TBXAS1: variants seen among roughly 807,000 people sequenced by gnomAD.
The protein encoded by TBXAS1 is thromboxane-A synthase.
Under a neutral mutation model 60.7 loss-of-function variants are expected in TBXAS1, and 48 were observed. The observed-to-expected ratio is 0.79, with a 90% CI of 0.63 to 1.01. The LOEUF (loss-of-function observed/expected upper bound fraction) is 1.01. TBXAS1 is among the 50% of genes least tolerant of loss of function. The pLI, the probability that TBXAS1 is intolerant of heterozygous loss-of-function variation, is 0.00. For synonymous variants in TBXAS1, 287 were observed against 269.7 expected, an observed-to-expected ratio of 1.06 and a Z score of -0.63; for missense variants, 685 against 686.3, an observed-to-expected ratio of 1.00 and a Z score of 0.02.
intron 2 of TBXAS1, among the ~76,000 whole-genome samples, chr7:139,874,485 T>A (rs1258282120): frequency 6.6e-6 from 1 of 152,166 alleles, no homozygotes; most frequent in East Asian, 1.9e-4. Flanking sequence ...ACATAGTAAT[T>A]TCGCTGACTA....
At chr7:139,993,255 C>A (rs1813054289) in intron 9 of TBXAS1, among the ~76,000 whole-genome samples, 1 of 152,132 alleles carries the variant, frequency 6.6e-6, no homozygotes, top group African/African-American at 2.4e-5. Context: ...CCCTAATAAC[C>A]TTCCAGAGGC....
intron 1 of TBXAS1, among the ~76,000 whole-genome samples, chr7:139,860,431 C>T (rs964940084): frequency 6.6e-6 from 1 of 152,180 alleles, no homozygotes. Context: ...AATATTGGCC[C>T]CCTAAAATGT....
At chr7:139,839,711 C>G (rs1466535061) in intron 1 of TBXAS1, among the ~76,000 whole-genome samples, 1 of 149,042 alleles carries the variant, frequency 6.7e-6, no homozygotes, top group Non-Finnish European at 1.5e-5. Context: ...CAAAAATTAG[C>G]CAGGTGTGGT....
At chr7:139,897,592 G>T (rs1199810565) in intron 3 of TBXAS1, among the ~76,000 whole-genome samples, 3 of 152,136 alleles carry the variant, frequency 2.0e-5, no homozygotes, top group Non-Finnish European at 4.4e-5. Context: ...CTGAGTGGGA[G>T]GTCCAAAGTC....
intron 1 of TBXAS1, among the ~76,000 whole-genome samples, chr7:139,779,921 A>G (rs1796930035): frequency 6.6e-6 from 1 of 151,946 alleles, no homozygotes; most frequent in African/African-American, 2.4e-5. Context: ...TCACTTTCCC[A>G]CCCACTTTCC....
At chr7:139,953,114 A>G (rs1395661642) in intron 5 of TBXAS1, among the ~76,000 whole-genome samples, 1 of 152,238 alleles carries the variant, frequency 6.6e-6, no homozygotes, top group Non-Finnish European at 1.5e-5. Flanking sequence ...CACCGTATTC[A>G]CTGTAAATCT....
At chr7:139,838,357 A>T (rs1465582645) in intron 1 of TBXAS1, among the ~76,000 whole-genome samples, 1 of 152,226 alleles carries the variant, frequency 6.6e-6, no homozygotes, top group Non-Finnish European at 1.5e-5. Flanking sequence ...TTGGTGCCTA[A>T]CAAATGCTGA....
intron 1 of TBXAS1, among the ~76,000 whole-genome samples, chr7:139,833,858 A>G (rs777320637): frequency 6.6e-6 from 1 of 152,210 alleles, no homozygotes; most frequent in Non-Finnish European, 1.5e-5. Context: ...ACACAATAAT[A>G]GTGGCAGATT....
intron 4 of TBXAS1, among the ~76,000 whole-genome samples, chr7:139,921,154 T>A (rs924484128): frequency 2.0e-5 from 3 of 152,198 alleles, no homozygotes; most frequent in African/African-American, 7.2e-5. Context: ...TTATTGTCTA[T>A]GTATTCCCCT....
rs1585616687 is a variant in TBXAS1, at chr7:139,846,044, A to T, written c.89+16565A>T. Reference sequence around the variant, plus strand: ...TTTCTCCATGTTGCCCAGGCTGGGAACTCTGGATCTTAATAAAATATTTTT... The same window carrying T: ...TTTCTCCATGTTGCCCAGGCTGGGATCTCTGGATCTTAATAAAATATTTTT... On this transcript the variant is annotated intron_variant, in intron 1 of 12. Transcript: ENST00000448866. 2.0e-5 allele frequency among the ~76,000 whole-genome samples: 3 copies of T among 151,650 alleles called. No individual in the cohort carries two copies. In the East Asian group the frequency reaches 5.8e-4, roughly 29 times the overall value.
At chr7:139,892,066 G>C (rs1460071767) in intron 3 of TBXAS1, among the ~76,000 whole-genome samples, 2 of 152,144 alleles carry the variant, frequency 1.3e-5, no homozygotes, top group Admixed American at 6.5e-5. Flanking sequence ...ATGTTCTCCT[G>C]ATACACTAGC....
intron 1 of TBXAS1, among the ~76,000 whole-genome samples, chr7:139,846,892 G>A (rs1799851229): frequency 6.6e-6 from 1 of 152,118 alleles, no homozygotes; most frequent in Admixed American, 6.5e-5. Context: ...TGGGGTGGGA[G>A]GGCAGATGAA....
chr7:140,001,697 G>A (rs971424601), intron 9 of TBXAS1, among the ~76,000 whole-genome samples: 4 of 152,094 alleles, frequency 2.6e-5, no homozygotes, highest in Non-Finnish European at 2.9e-5. Context: ...TGGCCGATAA[G>A]AATTCTTTTC....
chr7:139,898,370 C>T (rs1804272622), intron 3 of TBXAS1, among the ~76,000 whole-genome samples: 1 of 143,032 alleles, frequency 7.0e-6, no homozygotes, highest in Admixed American at 6.9e-5. Context: ...TGAAAGCCCT[C>T]ATCAGTTCTA....
chr7:139,962,347 T>C, intron 9 of TBXAS1, 114 bp downstream of exon 9: 2 of 1,271,322 alleles, frequency 1.6e-6, no homozygotes, highest in Non-Finnish European at 1.1e-6. Flanking sequence ...TCTAAGCTTA[T>C]AAGATGAAAT....
chr7:139,855,975 G>T lies in TBXAS1; in HGVS notation c.90-16260G>T, dbSNP rs368473610. ...CAGTTTCCTTATTTAACTGAGGGTT[G>T]CTACCTCATCTGGGATTATTAGCAA... is the stretch of plus-strand genomic sequence containing the variant. On this transcript the variant is annotated intron_variant, in intron 1 of 12. Coordinates refer to ENST00000448866, the MANE Select transcript of TBXAS1 (RefSeq NM_001061.7). Among the ~76,000 whole-genome samples, 6 of 152,308 alleles carry T rather than the reference G, an allele frequency of 3.9e-5. No individual in the cohort carries two copies. The East Asian group carries it at 1.2e-3, about 29-fold the overall frequency.
chr7:139,790,540 A>G (rs1797349699), intron 4 of TBXAS1, among the ~76,000 whole-genome samples: 1 of 152,246 alleles, frequency 6.6e-6, no homozygotes, highest in Non-Finnish European at 1.5e-5. Flanking sequence ...GACAGTTGAC[A>G]AAAGGACAGT....
chr7:139,866,890 A>T (rs1056264738), intron 1 of TBXAS1, among the ~76,000 whole-genome samples: 1 of 152,244 alleles, frequency 6.6e-6, no homozygotes, highest in South Asian at 2.1e-4. Context: ...TCTCCCTGAT[A>T]GTTCTAGCTT....
At chr7:139,805,032 T>C (rs1797812678) in intron 4 of TBXAS1, among the ~76,000 whole-genome samples, 1 of 152,248 alleles carries the variant, frequency 6.6e-6, no homozygotes, top group African/African-American at 2.4e-5. Context: ...ATAATCCTTT[T>C]CCATCTTGAA....
Sources: gnomAD v4.1 joint callset for allele counts (sites outside exome capture counted in the v4.1 genomes callset) on GRCh38, gnomAD v4.1.1 for gene constraint, MANE v1.5 for transcripts, NCBI Gene and HGNC (gene_info 2026-07-23, HGNC 2026-07-21) for gene names.